Variants in TTN observed in about 807,000 individuals in gnomAD.
TTN encodes the protein titin, also known as connectin.
A neutral mutation model predicts 3,223.0 loss-of-function variants in TTN; 1,525 were observed. That is an observed-to-expected ratio of 0.47 (90% confidence interval 0.45 to 0.49). The LOEUF (loss-of-function observed/expected upper bound fraction) is 0.49. Among genes scored for constraint, TTN ranks in the 20% least tolerant of loss-of-function variants. The pLI, the probability that TTN is intolerant of heterozygous loss-of-function variation, is 0.00. For synonymous variants in TTN, 14,094 were observed against 15,161.0 expected (o/e 0.93, Z 5.17); for missense variants, 40,786 against 43,424.0 (o/e 0.94, Z 5.40).
intron 133 of TTN, among the ~76,000 whole-genome samples, 156 bp downstream of exon 133, chr2:178,683,842 CA>C (rs1367967051): frequency 6.6e-6 from 1 of 151,610 alleles, no homozygotes. Flanking sequence ...TTTCTGTTAT[CA>C]AAAATGTTTA....
chr2:178,768,202 G>A (rs368851077), intron 38 of TTN, 47 bp from the exon 39 acceptor site: 2 of 1,592,440 alleles, frequency 1.3e-6, no homozygotes, highest in African/African-American at 2.7e-5. Context: ...CAGCTTTATT[G>A]AGATATAATT....
intron 242 of TTN, among the ~76,000 whole-genome samples, chr2:178,623,661 A>G (rs543601489): frequency 7.2e-5 from 11 of 152,034 alleles, no homozygotes; most frequent in Non-Finnish European, 1.5e-4. Context: ...TAAGAAAAAC[A>G]TGGTACAAGA....
chr2:178,629,797 G>A (rs1257953826), intron 239 of TTN, among the ~76,000 whole-genome samples: 1 of 152,100 alleles, frequency 6.6e-6, no homozygotes, highest in African/African-American at 2.4e-5. Context: ...ATCAGAGGCT[G>A]TCCCTATCCA....
chr2:178,738,007 A>G (rs763629808), intron 49 of TTN, 75 bp downstream of exon 49: 9 of 1,546,914 alleles, frequency 5.8e-6, no homozygotes, highest in Admixed American at 1.8e-5. Flanking sequence ...AGCATTTCCC[A>G]CACATGTACA....
intron 6 of TTN, chr2:178,798,841 C>G (rs2093903404): frequency 6.5e-6 from 1 of 152,736 alleles, no homozygotes; most frequent in Non-Finnish European, 1.5e-5. Context: ...TGCCCTAAAT[C>G]AAACTGTTAA....
In TTN at chr2:178,770,090, A is replaced by T; in HGVS notation, c.8611T>A (p.Leu2871Met). 6.2e-7 allele frequency: 1 copy of T among 1,614,110 alleles called. No individual in the cohort carries two copies. ...ACAAACAGTTTTGCTTTGCATTCCA[A>T]TTGCCCGACCACAGCTGTGTATTCC... is the stretch of plus-strand genomic sequence containing the variant. ...AGEYTAVVGQ[L>M]ECKAKLFVET... Residue 2871 changes from leucine (L) to methionine (M), a missense_variant, in exon 36 of 363, where the codon TTG becomes ATG. By Grantham distance (15) the Leu-to-Met change is conservative (BLOSUM62 2). Coordinates refer to ENST00000589042, the MANE Select transcript of TTN (RefSeq NM_001267550.2).
Position 178,592,527 on chromosome 2 carries a change from A to G in TTN, c.59478T>C (p.Asp19826=), listed in dbSNP as rs764950470. ...CATCAATTCTTGCTTTAGTTGGAGC[A>G]TCTCTGTCTTCTTTTTTCCAAGTTA... ...PKVTWKKEDR[D]APTKARIDVT... Residue 19826 remains aspartate (D), a synonymous_variant, in exon 301 of 363, where the codon GAT becomes GAC. Transcript: ENST00000589042. 1.2e-6 allele frequency: 2 copies of G among 1,613,498 alleles called. No homozygotes were observed. Among genetic ancestry groups the G allele is most frequent in the South Asian group, 2.2e-5 (2 of 91,068 alleles).
At chr2:178,527,353 A>C (rs16866373) in intron 362 of TTN, 46 bp from the exon 363 acceptor site, 1 of 1,561,844 alleles carries the variant, frequency 6.4e-7, no homozygotes, top group Non-Finnish European at 8.7e-7. Flanking sequence ...TCACTGAAAA[A>C]AATAAAGATT....
intron 362 of TTN, 22 bp downstream of exon 362, chr2:178,527,424 T>C: frequency 1.2e-6 from 2 of 1,605,708 alleles, no homozygotes; most frequent in Non-Finnish European, 1.7e-6. Flanking sequence ...TGTCTACCTC[T>C]ACCAGTAATT....
rs147081804 is a variant in TTN, at chr2:178,790,732, A to G, written c.1776T>C (p.Asp592=). ...CCTTTTCATAACTTAGGTGCATTTGATCTTGTTGTGTGGTAGTTTCTTCTT... is the reference window on the plus strand; with the variant it reads ...CCTTTTCATAACTTAGGTGCATTTGGTCTTGTTGTGTGGTAGTTTCTTCTT... ...GAQEETTTQQ[D]QMHLSYEKIM... is the part of the protein sequence containing the mutation. Residue 592 remains aspartate (D), a synonymous_variant, in exon 11 of 363, where the codon GAT becomes GAC. Coordinates refer to ENST00000589042, the MANE Select transcript of TTN (RefSeq NM_001267550.2). The G allele has an allele frequency of 5.5e-4, 881 of 1,614,076 alleles. 2 individuals carry two copies. The highest frequency in any genetic ancestry group is 2.2e-4 in the Non-Finnish European group (259 of 1,179,986).
Position 178,554,201 on chromosome 2 carries a change from G to C in TTN, c.88910C>G (p.Pro29637Arg). The C allele has an allele frequency of 6.3e-7, 1 of 1,595,842 alleles. No individual in the cohort carries two copies. Among genetic ancestry groups the C allele is most frequent in the Non-Finnish European group, 8.5e-7 (1 of 1,172,894 alleles). The change falls in exon 333 of 363, where the codon CCA becomes CGA. Residue 29637 changes from proline (P) to arginine (R), a missense_variant. Pro to Arg is a moderately radical substitution (Grantham distance 103). Transcript: ENST00000589042. ...AKNAFVTPGP[P>R]GIPEVTKITK... ...AATCTTTGTCACTTCTGGTATGCCT[G>C]GTGGCCCAGGTGTAACTATTTAGAA...
In TTN at chr2:178,564,482, C is replaced by T. The variant is rs1559330805; in HGVS notation, c.81650G>A (p.Trp27217Ter). The T allele has an allele frequency of 6.2e-7, 1 of 1,611,854 alleles. No homozygotes were observed. Among genetic ancestry groups the T allele is most frequent in the Non-Finnish European group, 8.5e-7 (1 of 1,178,790 alleles). ...VEKKDLPDGR[W>*]MKASFTNVLE... is the part of the protein sequence containing the mutation. ...TACGTTGGTAAAGCTGGCTTTCATC[C>T]AGCGGCCATCAGGTAGATCTTTCTT... The change falls in exon 326 of 363, where the codon TGG becomes TAG. Residue 27217 changes from tryptophan to a stop codon, truncating the protein, a stop_gained. Transcript: ENST00000589042. LOFTEE classifies it high-confidence loss of function.
Position 178,726,981 on chromosome 2 carries a change from C to T in TTN, c.20275+109G>A, listed in dbSNP as rs114742263. ...AATAATACTAGCTCAGAAAAATATT[C>T]TATGATCTCAAATGGAAACTAAAAT... is the stretch of plus-strand genomic sequence containing the variant. On this transcript the variant is annotated intron_variant, in intron 69 of 362. Transcript: ENST00000589042. The T allele has an allele frequency of 0.028, 31,916 of 1,160,516 alleles. 489 individuals are homozygous for T. Among genetic ancestry groups the T allele is most frequent in the Middle Eastern group, 0.055 (254 of 4,582 alleles). The allele number at this position is 1,160,516 out of a possible 1,614,324, so 71.9% of individuals were successfully genotyped here. A position where few individuals can be genotyped will look rare whatever the true frequency, so the allele number is the denominator to read the frequency against.
rs1481781346 is a variant in TTN, at chr2:178,580,453, T to A, written c.66926A>T (p.Asp22309Val). The change falls in exon 317 of 363, where the codon GAC (aspartate) becomes GTC (valine). Residue 22309 changes from aspartate (D) to valine (V), a missense_variant. Asp to Val is a radical substitution (Grantham distance 152). Transcript: ENST00000589042. ...NVNLRDRIGL[D>V]IKSTDFDTFL... ...AGTGTCAAAGTCAGTTGACTTTATG[T>A]CCAGTCCAATCCTGTCTCTTAGATT... is the stretch of plus-strand genomic sequence containing the variant. The A allele has an allele frequency of 3.7e-6, 6 of 1,613,194 alleles. No individual in the cohort carries two copies. The highest frequency in any genetic ancestry group is 5.1e-6 in the Non-Finnish European group (6 of 1,179,458).
rs769161359 is a variant in TTN, at chr2:178,586,717, C to T, written c.64184G>A (p.Gly21395Asp). The stretch of plus-strand genomic sequence containing the variant: ...AGTGATGTAGCCATCGATTTTAGCA[C>T]CTCCATCACGTAGGGGAGGTAACCA... ...LAWLPPLRDGGAKIDGYITSY... is the reference protein window; with the variant it reads ...LAWLPPLRDGDAKIDGYITSY... The change falls in exon 308 of 363, where the codon GGT (glycine) becomes GAT (aspartate). Residue 21395 changes from glycine (G) to aspartate (D), a missense_variant. Gly to Asp is a moderately conservative substitution (Grantham distance 94, BLOSUM62 -1). Transcript: ENST00000589042. The T allele has an allele frequency of 1.2e-6, 2 of 1,613,122 alleles. No homozygotes were observed. The highest frequency in any genetic ancestry group is 1.7e-4 in the Middle Eastern group (1 of 6,050).
chr2:178,649,146 G>T, intron 213 of TTN, 102 bp downstream of exon 213: 2 of 917,570 alleles, frequency 2.2e-6, no homozygotes, highest in South Asian at 2.1e-5. Context: ...GTGCAATATG[G>T]TTTTAACATA....
In TTN at chr2:178,645,951, T is replaced by G; in HGVS notation, c.40377A>C (p.Glu13459Asp). Reference sequence around the variant, plus strand: ...GTTGGAATATTTTCTCCTTCACATCTTCCTTAGGTGGAGCAGGTGGAGGAG... The same window carrying G: ...GTTGGAATATTTTCTCCTTCACATCGTCCTTAGGTGGAGCAGGTGGAGGAG... Reference protein sequence around the residue: ...PPPPPPAPPKEDVKEKIFQLK... With the variant: ...PPPPPPAPPKDDVKEKIFQLK... Residue 13459 changes from glutamate to aspartate, a missense_variant, in exon 217 of 363, where the codon GAA becomes GAC. Coordinates refer to ENST00000589042, the MANE Select transcript of TTN (RefSeq NM_001267550.2). The G allele has an allele frequency of 6.3e-7, 1 of 1,587,460 alleles. No individual in the cohort carries two copies.
At chr2:178,664,202 A>T (rs1411602699) in intron 168 of TTN, 104 bp from the exon 169 acceptor site, 2 of 1,151,192 alleles carry the variant, frequency 1.7e-6, no homozygotes, top group East Asian at 4.9e-5. Context: ...TCCTGAGCTG[A>T]GATCAGTGGT....
At position 178,569,294 on chromosome 2, in the gene TTN, A is replaced by T. The variant is rs1553601096; in HGVS notation, c.76838T>A (p.Ile25613Asn). 6.2e-7 allele frequency: 1 copy of T among 1,610,830 alleles called. No homozygotes were observed. Among genetic ancestry groups the T allele is most frequent in the African/African-American group, 1.3e-5 (1 of 74,866 alleles). The change falls in exon 326 of 363, where the codon ATC (isoleucine) becomes AAC (asparagine). Residue 25613 changes from isoleucine to asparagine, a missense_variant. Transcript: ENST00000589042. ...SPPVNLKVTE[I>N]TKDSVSITWE... ...TGTAATTGATACTGAGTCTTTGGTG[A>T]TTTCTGTGACTTTCAGGTTAACAGG...
Sources: allele counts gnomAD v4.1 joint callset (sites outside exome capture counted in the v4.1 genomes callset), GRCh38; gene constraint gnomAD v4.1.1; transcripts MANE v1.5; gene names NCBI Gene and HGNC (gene_info 2026-07-23, HGNC 2026-07-21).